Variants in DAB1 observed in about 807,000 individuals in gnomAD.
DAB1 encodes the protein disabled homolog 1.
Under a neutral mutation model 64.6 loss-of-function variants are expected in DAB1, and 15 were observed. That is an observed-to-expected ratio of 0.23 (90% CI 0.16 to 0.36). The LOEUF (loss-of-function observed/expected upper bound fraction) is 0.36, where lower values mean the gene tolerates loss of function less well. DAB1 is among the 10% of genes least tolerant of loss of function. The pLI, the probability that DAB1 is intolerant of heterozygous loss-of-function variation, is 1.00. For missense variants in DAB1, 596 were observed against 706.7 expected (o/e 0.84, Z 1.78); for synonymous variants, 235 against 251.9 (o/e 0.93, Z 0.64).
At chr1:58,216,643 C>T (rs376830262) in intron 4 of DAB1, among the ~76,000 whole-genome samples, 1 of 152,326 alleles carries the variant, frequency 6.6e-6, no homozygotes, top group South Asian at 2.1e-4. Context: ...TACACTCCCA[C>T]CAACAGTGTA....
chr1:57,339,207 G>T (rs1677361750), intron 1 of DAB1, among the ~76,000 whole-genome samples: 1 of 151,336 alleles, frequency 6.6e-6, no homozygotes, highest in Admixed American at 6.6e-5. Context: ...CCAGGCTGGA[G>T]GGCAGTGGCG....
intron 1 of DAB1, among the ~76,000 whole-genome samples, chr1:57,398,170 A>C (rs1434797535): frequency 1.3e-5 from 2 of 152,240 alleles, no homozygotes; most frequent in Non-Finnish European, 2.9e-5. Flanking sequence ...CCTTTGAGCA[A>C]GGCCCATAGG....
intron 4 of DAB1, among the ~76,000 whole-genome samples, chr1:58,323,094 G>T (rs184343847): frequency 2.6e-5 from 4 of 151,324 alleles, no homozygotes; most frequent in East Asian, 3.9e-4. Context: ...CTATTGTGGG[G>T]TGGGGGGCAG....
chr1:58,037,012 T>G (rs950820968), intron 5 of DAB1, among the ~76,000 whole-genome samples: 4 of 152,126 alleles, frequency 2.6e-5, no homozygotes, highest in African/African-American at 9.7e-5. Flanking sequence ...CCTTGCCTGC[T>G]CCTTCCCACT....
intron 4 of DAB1, among the ~76,000 whole-genome samples, chr1:58,283,792 C>T (rs1211588505): frequency 6.6e-6 from 1 of 152,216 alleles, no homozygotes; most frequent in African/African-American, 2.4e-5. Flanking sequence ...TCTTCCAGCT[C>T]ATTTTGGAGC....
chr1:57,518,461 C>T (rs1240281828), intron 7 of DAB1, among the ~76,000 whole-genome samples: 1 of 152,132 alleles, frequency 6.6e-6, no homozygotes, highest in African/African-American at 2.4e-5. Flanking sequence ...TGCCACCTCC[C>T]CCTACATATT....
At chr1:57,410,650 A>C (rs1196231134) in intron 1 of DAB1, among the ~76,000 whole-genome samples, 1 of 152,160 alleles carries the variant, frequency 6.6e-6, no homozygotes, top group Non-Finnish European at 1.5e-5. Context: ...ATGGCTTCTC[A>C]AACAAATCAA....
chr1:57,275,214 A>G (rs1000339277), intron 2 of DAB1, among the ~76,000 whole-genome samples: 1 of 152,212 alleles, frequency 6.6e-6, no homozygotes, highest in Middle Eastern at 3.2e-3. Context: ...GAAAATTTCC[A>G]GTAGACCTGG....
chr1:57,529,773 A>G (rs918565799), intron 7 of DAB1, among the ~76,000 whole-genome samples: 4 of 152,146 alleles, frequency 2.6e-5, no homozygotes, highest in Non-Finnish European at 5.9e-5. Flanking sequence ...CACCAAAAAT[A>G]GTATCATAAG....
At chr1:57,778,825 T>C (rs1052858833) in intron 6 of DAB1, among the ~76,000 whole-genome samples, 1 of 152,024 alleles carries the variant, frequency 6.6e-6, no homozygotes, top group African/African-American at 2.4e-5. Flanking sequence ...CTTCTTTTCA[T>C]TTCTTCTTTT....
At chr1:58,260,779 C>T (rs1474197439) in intron 4 of DAB1, among the ~76,000 whole-genome samples, 1 of 152,090 alleles carries the variant, frequency 6.6e-6, no homozygotes, top group Non-Finnish European at 1.5e-5. Context: ...TTAGCTCAGG[C>T]ATCATCTTCT....
At chr1:58,227,552 T>C (rs1659555431) in intron 4 of DAB1, among the ~76,000 whole-genome samples, 1 of 152,194 alleles carries the variant, frequency 6.6e-6, no homozygotes, top group South Asian at 2.1e-4. Flanking sequence ...CCCACAGCAC[T>C]CTGAGGTTTC....
chr1:57,839,242 G>T (rs1267174673), intron 1 of DAB1, among the ~76,000 whole-genome samples: 1 of 152,126 alleles, frequency 6.6e-6, no homozygotes, highest in Non-Finnish European at 1.5e-5. Flanking sequence ...AGTGACTCAG[G>T]CCTCAGACTC....
intron 5 of DAB1, among the ~76,000 whole-genome samples, chr1:57,985,720 A>C (rs1206288252): frequency 2.0e-5 from 3 of 152,168 alleles, no homozygotes; most frequent in Non-Finnish European, 2.9e-5. Flanking sequence ...AGGAAGAGTC[A>C]AAGTGTCCCG....
chr1:58,026,269 C>T (rs954721437), intron 5 of DAB1, among the ~76,000 whole-genome samples: 5 of 152,146 alleles, frequency 3.3e-5, no homozygotes, highest in African/African-American at 9.7e-5. Context: ...GAAAGAATAT[C>T]GCAAGAAGGC....
At chr1:57,208,739 C>T (rs1347431072) in intron 2 of DAB1, among the ~76,000 whole-genome samples, 1 of 152,126 alleles carries the variant, frequency 6.6e-6, no homozygotes, top group East Asian at 1.9e-4. Flanking sequence ...TTACATGATA[C>T]ACCTATTTAT....
chr1:57,582,539 G>A (rs917272929), intron 7 of DAB1, among the ~76,000 whole-genome samples: 16 of 152,194 alleles, frequency 1.1e-4, no homozygotes, highest in African/African-American at 3.9e-4. Flanking sequence ...CTGGGGATTA[G>A]AGCTTCAACA....
chr1:57,992,632 TTC>T (rs1646362592), intron 5 of DAB1, among the ~76,000 whole-genome samples: 1 of 152,152 alleles, frequency 6.6e-6, no homozygotes, highest in African/African-American at 2.4e-5. Context: ...GACAGATTCT[TTC>T]TGATTGATTC....
At chr1:57,217,441 T>C (rs1355735256) in intron 2 of DAB1, among the ~76,000 whole-genome samples, 1 of 152,072 alleles carries the variant, frequency 6.6e-6, no homozygotes. Context: ...AAAAATGACA[T>C]TGAGCTACCT....
Sources: gnomAD v4.1 joint callset for allele counts (sites outside exome capture counted in the v4.1 genomes callset) on GRCh38, gnomAD v4.1.1 for gene constraint, MANE v1.5 for transcripts, NCBI Gene and HGNC (gene_info 2026-07-23, HGNC 2026-07-21) for gene names.